CTNND1: variants seen among roughly 807,000 people sequenced by gnomAD.
The protein encoded by CTNND1 is catenin delta-1.
Under a neutral mutation model 112.1 loss-of-function variants are expected in CTNND1, and 16 were observed. That is an observed-to-expected ratio of 0.14 (90% CI 0.10 to 0.22). The LOEUF (loss-of-function observed/expected upper bound fraction) is 0.22, where lower values mean the gene tolerates loss of function less well. CTNND1 is among the 10% of genes least tolerant of loss of function. CTNND1 has a pLI of 1.00. For missense variants in CTNND1, 1,008 were observed against 1,257.0 expected (o/e 0.80, Z 3.00); for synonymous variants, 420 against 446.5 (o/e 0.94, Z 0.75).
At chr11:57,816,115 A>T (rs944792997) in intron 20 of CTNND1, 114 bp downstream of exon 20, 6 of 1,155,880 alleles carry the variant, frequency 5.2e-6, no homozygotes, top group Non-Finnish European at 7.5e-6. Flanking sequence ...TCTCAGCCAC[A>T]TGGGGCTCGA....
intron 8 of CTNND1, 60 bp downstream of exon 8, chr11:57,803,864 T>TAAA: frequency 1.0e-4 from 94 of 899,890 alleles, no homozygotes; most frequent in Non-Finnish European, 1.3e-4. Context: ...TTAAATTTCC[T>TAAA]AAAAAAAAAA....
At chr11:57,778,593 G>A (rs1336004529) in intron 1 of CTNND1, among the ~76,000 whole-genome samples, 1 of 152,204 alleles carries the variant, frequency 6.6e-6, no homozygotes, top group African/African-American at 2.4e-5. Context: ...GGGGCAGAGA[G>A]GAGGGTTGTT....
intron 7 of CTNND1, 62 bp downstream of exon 7, chr11:57,802,258 T>C (rs2062078275): frequency 1.4e-6 from 2 of 1,386,850 alleles, no homozygotes; most frequent in Non-Finnish European, 2.0e-6. Context: ...TGTTGAGAAC[T>C]AGAGGGATTT....
intron 3 of CTNND1, among the ~76,000 whole-genome samples, chr11:57,793,535 G>A (rs2060999304): frequency 6.6e-6 from 1 of 152,164 alleles, no homozygotes; most frequent in Non-Finnish European, 1.5e-5. Flanking sequence ...AGTTTCCAGT[G>A]GTAGTACTGC....
chr11:57,810,956 CAAAAAAAAAAGA>C (rs1426205039), intron 16 of CTNND1, among the ~76,000 whole-genome samples: 2 of 130,020 alleles, frequency 1.5e-5, no homozygotes, highest in African/African-American at 5.8e-5. Flanking sequence ...AACCCTGTCT[CAAAAAAAAAAGA>C]AAAAAAAAAA....
intron 6 of CTNND1, among the ~76,000 whole-genome samples, chr11:57,797,854 A>AC (rs1428436298): frequency 1.5e-4 from 23 of 150,676 alleles, no homozygotes; most frequent in Non-Finnish European, 2.8e-4. Context: ...AAAAAAAAAA[A>AC]AAAAAAAAAC....
At chr11:57,790,307 C>T (rs2060558109) in intron 2 of CTNND1, among the ~76,000 whole-genome samples, 4 of 152,094 alleles carry the variant, frequency 2.6e-5, no homozygotes, top group Admixed American at 2.6e-4. Flanking sequence ...TGAACCTGAC[C>T]TCAAGTGATC....
At chr11:57,775,790 G>A (rs1286792736) in intron 1 of CTNND1, among the ~76,000 whole-genome samples, 1 of 152,170 alleles carries the variant, frequency 6.6e-6, no homozygotes, top group Non-Finnish European at 1.5e-5. Context: ...TAATGTTCGT[G>A]TATAGCCGCT....
intron 16 of CTNND1, 56 bp from the exon 17 acceptor site, chr11:57,811,343 T>C: frequency 2.1e-6 from 3 of 1,425,888 alleles, no homozygotes; most frequent in Non-Finnish European, 2.9e-6. Context: ...CATTAGAGCA[T>C]AAGATAGGGT....
At position 57,788,227 on chromosome 11, in the gene CTNND1, A is replaced by T. The variant is rs572366043; in HGVS notation, c.-213-810A>T. 3.9e-5 allele frequency among the ~76,000 whole-genome samples: 6 copies of T among 152,068 alleles called. No individual in the cohort carries two copies. Among genetic ancestry groups the T allele is most frequent in the Admixed American group, 6.5e-5 (1 of 15,276 alleles). ...ATGAAAGGGGAGCACCTTTTTTTTTAAAATAAGGGTGCTTATTCAAGAAAG... is the reference window on the plus strand; with the variant it reads ...ATGAAAGGGGAGCACCTTTTTTTTTTAAATAAGGGTGCTTATTCAAGAAAG... On this transcript the variant is annotated intron_variant, in intron 1 of 20. Coordinates refer to ENST00000399050, the MANE Select transcript of CTNND1 (RefSeq NM_001085458.2). This position sits in a 1 kb window ranked among gnomAD's most constrained non-coding sequence, Gnocchi z 4.1.
intron 1 of CTNND1, among the ~76,000 whole-genome samples, chr11:57,770,107 T>G (rs1158444124): frequency 2.0e-5 from 3 of 151,772 alleles, no homozygotes; most frequent in African/African-American, 7.3e-5. Context: ...AGGCAGGTGG[T>G]TCACCTGAGG....
chr11:57,815,547 T>G (rs2063858176), intron 19 of CTNND1, 47 bp downstream of exon 19: 3 of 1,423,356 alleles, frequency 2.1e-6, no homozygotes, highest in Non-Finnish European at 3.0e-6. Flanking sequence ...TAGTTCTATT[T>G]TGAAGCCTAT....
At chr11:57,768,494 C>T (rs11229119) in intron 1 of CTNND1, among the ~76,000 whole-genome samples, 58,904 of 148,150 alleles carry the variant, frequency 0.4, 11,980 homozygotes, top group Middle Eastern at 0.48. Flanking sequence ...CCCGGGTTCA[C>T]GCCATTCTCC....
At position 57,806,050 on chromosome 11, in the gene CTNND1, C is replaced by A; in HGVS notation, c.1876+15C>A. On this transcript the variant is annotated intron_variant, in intron 10 of 20. Transcript: ENST00000399050. ...GAAGGGCAAAGGTGAGTCTTGGTTC[C>A]TGTTTCTTAGTCTTTAATGTGGGAT... 1 of 1,603,834 alleles carries A rather than the reference C, an allele frequency of 6.2e-7. No individual in the cohort carries two copies.
In CTNND1 at chr11:57,809,379, A is replaced by G. The variant is rs376663871; in HGVS notation, c.2348A>G (p.Asn783Ser). 7 of 1,613,808 alleles carry G rather than the reference A, an allele frequency of 4.3e-6. No homozygotes were observed. In the African/African-American group the frequency reaches 8.0e-5, roughly 18 times the overall value. The change falls in exon 15 of 21, where the codon AAC becomes AGC. Residue 783 changes from asparagine to serine, a missense_variant. Physicochemically the swap from Asn to Ser is conservative, Grantham distance 46. This residue lies in a region of CTNND1 where 254 missense variants were observed against 279.5 expected (regional missense o/e 0.91). Coordinates refer to ENST00000399050, the MANE Select transcript of CTNND1 (RefSeq NM_001085458.2). The stretch of plus-strand genomic sequence containing the variant: ...GTCATCTCTATTTTGAACACTATCA[A>G]CGAGGTTATCGCTGAGAACTTGGAG... The part of the protein sequence containing the change: ...DTVISILNTI[N>S]EVIAENLEAA...
chr11:57,781,000 G>A (rs536126557), intron 1 of CTNND1, among the ~76,000 whole-genome samples: 26 of 152,198 alleles, frequency 1.7e-4, no homozygotes, highest in Admixed American at 5.9e-4. Flanking sequence ...GTGCAATGGC[G>A]CAATCTCTGC....
intron 3 of CTNND1, 76 bp from the exon 4 acceptor site, chr11:57,793,934 A>T: frequency 1.4e-6 from 2 of 1,479,956 alleles, no homozygotes; most frequent in Non-Finnish European, 1.9e-6. Flanking sequence ...TTCCTGTTTG[A>T]AAAAAAGATC....
intron 1 of CTNND1, among the ~76,000 whole-genome samples, chr11:57,769,565 C>G (rs1044062583): frequency 6.6e-6 from 1 of 152,110 alleles, no homozygotes; most frequent in African/African-American, 2.4e-5. Context: ...CTTTTGCTTT[C>G]CTGTTCTCTG....
chr11:57,794,576 G>A (rs549633268), intron 4 of CTNND1, among the ~76,000 whole-genome samples: 8 of 149,540 alleles, frequency 5.3e-5, no homozygotes, highest in East Asian at 4.1e-4. Context: ...ACCTCAGGTC[G>A]GGAGTTGGAG....
Sources: gnomAD v4.1 joint callset for allele counts (sites outside exome capture counted in the v4.1 genomes callset) on GRCh38, gnomAD v4.1.1 for gene constraint, gnomAD v4.1.1 regional missense constraint, Gnocchi (gnomAD v3.1) non-coding constraint, MANE v1.5 for transcripts, NCBI Gene and HGNC (gene_info 2026-07-23, HGNC 2026-07-21) for gene names.